LRMDA: variants seen among roughly 807,000 people sequenced by gnomAD.
LRMDA encodes the protein leucine rich melanocyte differentiation associated.
A neutral mutation model predicts 29.8 loss-of-function variants in LRMDA; 18 were observed. The ratio of observed to expected loss-of-function variants is 0.60; its 90% CI spans 0.42 to 0.90. The LOEUF is 0.90. Ranked by LOEUF, LRMDA falls within the 40% of genes least tolerant of loss-of-function variation. LRMDA has a pLI of 0.00. For synonymous variants in LRMDA, 125 were observed against 109.4 expected (o/e 1.14, Z -0.89); for missense variants, 273 against 273.9 (o/e 1.00, Z 0.02).
At chr10:76,020,001 C>T (rs934377656) in intron 2 of LRMDA, among the ~76,000 whole-genome samples, 1 of 152,212 alleles carries the variant, frequency 6.6e-6, no homozygotes, top group African/African-American at 2.4e-5. Context: ...CCCTTGATTC[C>T]ACTCCAGAGG....
At chr10:76,276,644 G>A (rs1840138495) in intron 5 of LRMDA, among the ~76,000 whole-genome samples, 1 of 151,928 alleles carries the variant, frequency 6.6e-6, no homozygotes. Flanking sequence ...CATATATGTG[G>A]ATTATTTTTT....
chr10:75,435,724 C>T (rs1035863067), intron 1 of LRMDA, among the ~76,000 whole-genome samples: 37 of 152,192 alleles, frequency 2.4e-4, no homozygotes, highest in African/African-American at 8.7e-4. Context: ...TGATAGCTCT[C>T]CTTGGTGCTC....
chr10:76,189,010 T>C (rs1223029987), intron 5 of LRMDA, among the ~76,000 whole-genome samples: 4 of 152,064 alleles, frequency 2.6e-5, no homozygotes, highest in Non-Finnish European at 5.9e-5. Context: ...TAAGTTAATT[T>C]ATGTCTTAAC....
chr10:76,514,481 A>G (rs1419509449), intron 6 of LRMDA, among the ~76,000 whole-genome samples: 4 of 152,204 alleles, frequency 2.6e-5, no homozygotes, highest in Non-Finnish European at 5.9e-5. Context: ...TATTCATTAC[A>G]TCATGAGGCT....
In LRMDA at chr10:75,985,471, G is replaced by A. The variant is rs560900670; in HGVS notation, c.132-50537G>A. ...CTACTTCCCTGCTGCTGACACCCAG[G>A]TAAACTTCCCCTAAGGGAGGCAACG... is the stretch of plus-strand genomic sequence containing the variant. On this transcript the variant is annotated intron_variant, in intron 2 of 6. Coordinates refer to ENST00000611255, the MANE Select transcript of LRMDA (RefSeq NM_001305581.2). Among the ~76,000 whole-genome samples, 223 of 152,292 alleles carry A rather than the reference G, an allele frequency of 1.5e-3. 2 individuals are homozygous for A. The highest frequency in any genetic ancestry group is 7.5e-3 in the South Asian group (36 of 4,830).
chr10:75,797,317 A>G (rs1843670097), intron 2 of LRMDA, among the ~76,000 whole-genome samples: 1 of 151,980 alleles, frequency 6.6e-6, no homozygotes, highest in African/African-American at 2.4e-5. Flanking sequence ...ACCATTTTTC[A>G]TTTCTGAATT....
intron 2 of LRMDA, among the ~76,000 whole-genome samples, chr10:75,839,732 A>C (rs1418468792): frequency 3.2e-5 from 4 of 123,978 alleles, no homozygotes; most frequent in African/African-American, 1.4e-4. Flanking sequence ...TTTTTGAGAC[A>C]GAGTCTTGCT....
At chr10:76,053,783 G>A (rs1848567519) in intron 4 of LRMDA, among the ~76,000 whole-genome samples, 1 of 152,178 alleles carries the variant, frequency 6.6e-6, no homozygotes, top group African/African-American at 2.4e-5. Context: ...ACCCTTTGCT[G>A]CCTCACCACC....
At position 76,046,489 on chromosome 10, in the gene LRMDA, G is replaced by T. The variant is rs557092544; in HGVS notation, c.259-675G>T. 4.9e-3 allele frequency among the ~76,000 whole-genome samples: 744 copies of T among 151,646 alleles called. 2 individuals are homozygous for T. The highest frequency in any genetic ancestry group is 8.0e-3 in the Non-Finnish European group (543 of 67,782). On this transcript the variant is annotated intron_variant, in intron 3 of 6. Transcript: ENST00000611255. ...AATAATTTCTGGTTTTCTTTTTCTG[G>T]TTTTTTTGTTTTGTTTTTTTCTTTT...
At chr10:76,403,330 G>A (rs1352022056) in intron 6 of LRMDA, 1 of 151,914 alleles carries the variant, frequency 6.6e-6, no homozygotes, top group Non-Finnish European at 1.5e-5. Context: ...AGCACCTCTT[G>A]TCACTGATCT....
intron 5 of LRMDA, among the ~76,000 whole-genome samples, chr10:76,206,256 G>A (rs113940938): frequency 1.3e-3 from 205 of 152,210 alleles, no homozygotes; most frequent in African/African-American, 4.8e-3. Context: ...CTCTTACGAC[G>A]TTGTGCTTGT....
chr10:76,250,812 T>C (rs1328237522), intron 5 of LRMDA, among the ~76,000 whole-genome samples: 3 of 152,186 alleles, frequency 2.0e-5, no homozygotes, highest in Non-Finnish European at 4.4e-5. Context: ...AGCAACAACT[T>C]TGTGGGATTT....
intron 2 of LRMDA, among the ~76,000 whole-genome samples, chr10:75,734,367 C>G (rs1287619756): frequency 3.3e-5 from 5 of 152,098 alleles, no homozygotes; most frequent in African/African-American, 9.7e-5. Flanking sequence ...CCCTGACATC[C>G]CCCGCCATGT....
intron 5 of LRMDA, among the ~76,000 whole-genome samples, chr10:76,169,149 T>A (rs888764532): frequency 1.3e-5 from 2 of 152,182 alleles, no homozygotes; most frequent in Admixed American, 1.3e-4. Context: ...GCAGGAAAAT[T>A]TGGTGCAGGC....
chr10:75,513,800 G>A (rs997426308), intron 2 of LRMDA, among the ~76,000 whole-genome samples: 1 of 151,952 alleles, frequency 6.6e-6, no homozygotes, highest in Non-Finnish European at 1.5e-5. Context: ...GGCCCACCTG[G>A]GTAATCCAGG....
intron 2 of LRMDA, among the ~76,000 whole-genome samples, chr10:75,449,494 T>C (rs1018767047): frequency 6.6e-6 from 1 of 151,146 alleles, no homozygotes; most frequent in Non-Finnish European, 1.5e-5. Context: ...AGCCTGTATT[T>C]ACTTTTGGGT....
intron 2 of LRMDA, among the ~76,000 whole-genome samples, chr10:75,807,053 G>GGCCTCTT (rs1317985514): frequency 2.6e-5 from 4 of 152,258 alleles, no homozygotes; most frequent in South Asian, 4.1e-4. Context: ...TCTGGCCTCT[G>GGCCTCTT]CCTGTTTAAG....
rs1280785863 is a variant in LRMDA, at chr10:75,690,992, T to TACACACACAC, written c.131+252499_131+252500insCACACACACA. Among the ~76,000 whole-genome samples the TACACACACAC allele has an allele frequency of 3.2e-3, 300 of 94,042 alleles. 4 individuals are homozygous for TACACACACAC. Among genetic ancestry groups the TACACACACAC allele is most frequent in the African/African-American group, 0.013 (282 of 22,168 alleles). The allele number at this position is 94,042 out of a possible 152,430, so 61.7% of individuals were successfully genotyped here. A position where few individuals can be genotyped will look rare whatever the true frequency, so the allele number is the denominator to read the frequency against. On this transcript the variant is annotated intron_variant, in intron 2 of 6. Transcript: ENST00000611255. ...CTTAAAAAAAAAATATATATATATA[T>TACACACACAC]ATACACACACACACACACACACACA...
chr10:75,611,976 C>A (rs1041534773), intron 2 of LRMDA, among the ~76,000 whole-genome samples: 1 of 152,200 alleles, frequency 6.6e-6, no homozygotes, highest in Non-Finnish European at 1.5e-5. Context: ...GTTCCCTCTG[C>A]TGCCTTAAGG....
Sources: allele counts gnomAD v4.1 joint callset (sites outside exome capture counted in the v4.1 genomes callset), GRCh38; gene constraint gnomAD v4.1.1; transcripts MANE v1.5; gene names NCBI Gene and HGNC (gene_info 2026-07-23, HGNC 2026-07-21).